The following RBM26 variants were observed in gnomAD, a reference collection of about 807,000 sequenced individuals.
RBM26 encodes the protein RNA binding motif protein 26, also known as RNA-binding protein 26.
A neutral mutation model predicts 123.6 loss-of-function variants in RBM26; 30 were observed. The ratio of observed to expected loss-of-function variants is 0.24; its 90% CI spans 0.18 to 0.33. RBM26 has a LOEUF of 0.33. RBM26 is among the 10% of genes least tolerant of loss of function. The probability of loss-of-function intolerance (pLI) is 1.00; values close to 1 mark genes in which losing one functional copy is unlikely to be tolerated. For missense variants in RBM26, 947 were observed against 1,203.6 expected, an observed-to-expected ratio of 0.79 and a Z score of 3.15; for synonymous variants, 400 against 404.4, an observed-to-expected ratio of 0.99 and a Z score of 0.13.
intron 20 of RBM26, 44 bp downstream of exon 20, chr13:79,334,300 T>C (rs773620094): frequency 2.7e-6 from 3 of 1,090,990 alleles, no homozygotes; most frequent in Non-Finnish European, 4.0e-6. Flanking sequence ...GTAATACTTA[T>C]AAATCATTTA....
intron 1 of RBM26, among the ~76,000 whole-genome samples, chr13:79,389,259 G>A (rs1449727732): frequency 2.6e-5 from 4 of 152,106 alleles, no homozygotes; most frequent in Non-Finnish European, 5.9e-5. Context: ...AAGTTCCTCT[G>A]AAGTACTAGA....
chr13:79,391,123 A>G (rs1372389775), intron 1 of RBM26, among the ~76,000 whole-genome samples: 1 of 152,202 alleles, frequency 6.6e-6, no homozygotes, highest in African/African-American at 2.4e-5. Flanking sequence ...CATAAAGGAC[A>G]TGGATGATAC....
At chr13:79,386,107 A>C (rs1039374731) in intron 1 of RBM26, among the ~76,000 whole-genome samples, 2 of 150,642 alleles carry the variant, frequency 1.3e-5, no homozygotes, top group African/African-American at 4.9e-5. Flanking sequence ...AAAAAAAAAA[A>C]CACAAAAACT....
At chr13:79,355,932 G>A (rs2073924733) in intron 11 of RBM26, among the ~76,000 whole-genome samples, 1 of 152,196 alleles carries the variant, frequency 6.6e-6, no homozygotes, top group Non-Finnish European at 1.5e-5. Context: ...CAAGGAATGT[G>A]ATTCTATAGA....
Position 79,371,002 on chromosome 13 carries a change from G to T in RBM26, c.577C>A (p.Arg193Ser). Residue 193 changes from arginine (R) to serine (S), a missense_variant, in exon 5 of 22, where the codon CGT (arginine) becomes AGT (serine). By Grantham distance (110) the Arg-to-Ser change is moderately radical. Around this residue, in one of 5 missense-constraint regions of RBM26, gnomAD observed 275 missense variants for 361.0 expected, o/e 0.76. Coordinates refer to ENST00000438737, the MANE Select transcript of RBM26 (RefSeq NM_001366735.2). The stretch of plus-strand genomic sequence containing the variant: ...CTGCTTCTATCTCTGTCCCTCTCAC[G>T]AAGCCTCTCTTTACTCCAACTTCGA... ...RSRSWSKERL[R>S]ERDRDRSRTR... 6.3e-7 allele frequency: 1 copy of T among 1,598,880 alleles called. No homozygotes were observed. Among genetic ancestry groups the T allele is most frequent in the Non-Finnish European group, 8.6e-7 (1 of 1,166,180 alleles).
chr13:79,375,101 T>TATCATATAA (rs1555332838), intron 3 of RBM26, among the ~76,000 whole-genome samples: 1 of 137,752 alleles, frequency 7.3e-6, no homozygotes, highest in Non-Finnish European at 1.6e-5. Context: ...TATATTTATA[T>TATCATATAA]ATATCATATA....
Position 79,370,858 on chromosome 13 carries a change from G to A in RBM26, c.634+87C>T. On this transcript the variant is annotated intron_variant, in intron 5 of 21. Coordinates refer to ENST00000438737, the MANE Select transcript of RBM26 (RefSeq NM_001366735.2). The stretch of plus-strand genomic sequence containing the variant: ...ATACATCATAATAGAAAAAAATGAA[G>A]ACAACACTGACAAAATGTTAAGCAA... The A allele has an allele frequency of 2.9e-6, 4 of 1,381,760 alleles. No individual in the cohort carries two copies. The South Asian group carries it at 4.0e-5, about 14-fold the overall frequency. 85.6% of individuals were successfully genotyped at this position (1,381,760 alleles called of 1,614,324 possible). A position where few individuals can be genotyped will look rare whatever the true frequency, so the allele number is the denominator to read the frequency against.
chr13:79,404,444 T>C (rs375777812), intron 1 of RBM26, among the ~76,000 whole-genome samples: 18 of 152,336 alleles, frequency 1.2e-4, no homozygotes, highest in East Asian at 7.7e-4. Flanking sequence ...CTCTACAAAA[T>C]AGGCAGAGTT....
chr13:79,385,374 T>A (rs2077393730), intron 1 of RBM26, among the ~76,000 whole-genome samples: 2 of 152,306 alleles, frequency 1.3e-5, no homozygotes, highest in South Asian at 2.1e-4. Flanking sequence ...AATCAAAATA[T>A]AAGCATATCT....
chr13:79,332,360 G>C (rs557756615), intron 20 of RBM26, among the ~76,000 whole-genome samples: 7 of 152,060 alleles, frequency 4.6e-5, no homozygotes, highest in Non-Finnish European at 8.8e-5. Flanking sequence ...ATACCTCTAT[G>C]ACAAACACAC....
intron 18 of RBM26, among the ~76,000 whole-genome samples, chr13:79,338,956 G>C (rs1283483793): frequency 6.6e-6 from 1 of 152,124 alleles, no homozygotes; most frequent in Admixed American, 6.5e-5. Context: ...GTACAGATGG[G>C]GTGTAGGAGC....
chr13:79,325,752 C>CTT, intron 20 of RBM26, among the ~76,000 whole-genome samples: 1 of 152,202 alleles, frequency 6.6e-6, no homozygotes, highest in South Asian at 2.1e-4. Flanking sequence ...TTTATAAGGT[C>CTT]TAAAGTACGA....
intron 1 of RBM26, among the ~76,000 whole-genome samples, chr13:79,399,795 G>A (rs990597393): frequency 6.6e-6 from 1 of 152,134 alleles, no homozygotes; most frequent in Non-Finnish European, 1.5e-5. Context: ...AGAACCTCAT[G>A]ACTAAGTGAA....
At chr13:79,344,467 G>T (rs763615942) in intron 15 of RBM26, 145 bp from the exon 16 acceptor site, 2 of 823,228 alleles carry the variant, frequency 2.4e-6, no homozygotes, top group Non-Finnish European at 3.8e-6. Context: ...AAATATGTAT[G>T]CAAGTTTCAA....
At chr13:79,387,581 C>T (rs1330560370) in intron 1 of RBM26, among the ~76,000 whole-genome samples, 1 of 149,022 alleles carries the variant, frequency 6.7e-6, no homozygotes, top group African/African-American at 2.5e-5. Context: ...AAAAAAGGCA[C>T]TGAACCATAC....
intron 14 of RBM26, 46 bp from the exon 15 acceptor site, chr13:79,344,840 T>A: frequency 1.3e-6 from 2 of 1,586,218 alleles, no homozygotes; most frequent in Non-Finnish European, 1.7e-6. Context: ...CAGCCGTTCA[T>A]GATATCCTAT....
chr13:79,324,123 T>A (rs1222013337), intron 20 of RBM26, among the ~76,000 whole-genome samples: 1 of 151,758 alleles, frequency 6.6e-6, no homozygotes, highest in Non-Finnish European at 1.5e-5. Context: ...AAGCAGTCCA[T>A]GATTATCCCT....
chr13:79,389,100 G>GA (rs1267078690), intron 1 of RBM26, among the ~76,000 whole-genome samples: 1 of 152,122 alleles, frequency 6.6e-6, no homozygotes, highest in Non-Finnish European at 1.5e-5. Context: ...AATAATTGCA[G>GA]AATGTATGGA....
intron 1 of RBM26, among the ~76,000 whole-genome samples, chr13:79,382,888 G>A (rs928000194): frequency 2.5e-5 from 3 of 119,300 alleles, no homozygotes; most frequent in Admixed American, 8.8e-5. Context: ...GATGGTAAAT[G>A]GATATCATTA....
Sources: allele counts gnomAD v4.1 joint callset (sites outside exome capture counted in the v4.1 genomes callset), GRCh38; gene constraint gnomAD v4.1.1; regional missense constraint gnomAD v4.1.1; transcripts MANE v1.5; gene names NCBI Gene and HGNC (gene_info 2026-07-23, HGNC 2026-07-21).